Variants in MAGI2 observed in about 807,000 individuals in gnomAD.
The protein encoded by MAGI2 is membrane-associated guanylate kinase, WW and PDZ domain-containing protein 2.
MAGI2 carries 35 observed loss-of-function variants against 133.3 expected under a neutral mutation model. The observed-to-expected ratio is 0.26, with a 90% CI of 0.20 to 0.35. The LOEUF (loss-of-function observed/expected upper bound fraction) is 0.35. MAGI2 is among the 10% of genes least tolerant of loss of function. The pLI is 1.00. For synonymous variants in MAGI2, 729 were observed against 710.6 expected (o/e 1.03, Z -0.41); for missense variants, 1,636 against 1,863.4 (o/e 0.88, Z 2.25).
At chr7:79,192,653 G>C (rs537560767) in intron 1 of MAGI2, among the ~76,000 whole-genome samples, 60 of 151,878 alleles carry the variant, frequency 4.0e-4, no homozygotes, top group Middle Eastern at 6.8e-3. Context: ...CAAGAAGGGT[G>C]GTGTGGCTGA....
In MAGI2 at chr7:78,913,920, C is replaced by T. The variant is rs111455577; in HGVS notation, c.418+93170G>A. ...GAACACTGATAAAGATTCCATGCTCCTACCCTCCCAATAAGAATCTCTGAG... is the reference window on the plus strand; with the variant it reads ...GAACACTGATAAAGATTCCATGCTCTTACCCTCCCAATAAGAATCTCTGAG... On this transcript the variant is annotated intron_variant, in intron 2 of 21. Transcript: ENST00000354212. 1.4e-3 allele frequency among the ~76,000 whole-genome samples: 206 copies of T among 152,268 alleles called. 2 individuals carry two copies. Among genetic ancestry groups the T allele is most frequent in the Non-Finnish European group, 2.4e-3 (162 of 68,010 alleles).
At chr7:78,570,099 TC>T (rs1801354357) in intron 3 of MAGI2, among the ~76,000 whole-genome samples, 1 of 152,220 alleles carries the variant, frequency 6.6e-6, no homozygotes, top group Non-Finnish European at 1.5e-5. Context: ...CTATACCCAC[TC>T]TTGTACACGT....
intron 21 of MAGI2, among the ~76,000 whole-genome samples, chr7:78,025,430 A>T (rs1253130717): frequency 6.6e-6 from 1 of 152,202 alleles, no homozygotes; most frequent in Non-Finnish European, 1.5e-5. Context: ...TGTAAGCTTC[A>T]TAAGGGCAAT....
Position 78,560,525 on chromosome 7 carries a change from G to A in MAGI2, c.539-38880C>T, listed in dbSNP as rs1169822531. On this transcript the variant is annotated intron_variant, in intron 3 of 21. Transcript: ENST00000354212. ...TTCTAAGATAATTTATGATGTAAAC[G>A]TTAATCTAAATACTTTAAAATTTTT... is the stretch of plus-strand genomic sequence containing the variant. 7.2e-5 allele frequency among the ~76,000 whole-genome samples: 11 copies of A among 152,190 alleles called. No individual in the cohort carries two copies. In the East Asian group the frequency reaches 7.7e-4, roughly 11 times the overall value.
At chr7:78,722,266 C>G (rs1320620940) in intron 2 of MAGI2, among the ~76,000 whole-genome samples, 1 of 151,796 alleles carries the variant, frequency 6.6e-6, no homozygotes, top group Non-Finnish European at 1.5e-5. Context: ...CTAATATCCA[C>G]CAGTAAAACT....
At chr7:78,116,374 G>C (rs1263675885) in intron 20 of MAGI2, among the ~76,000 whole-genome samples, 1 of 143,300 alleles carries the variant, frequency 7.0e-6, no homozygotes, top group South Asian at 2.2e-4. Flanking sequence ...AAAAAAAGAA[G>C]AACAACAGAG....
intron 2 of MAGI2, among the ~76,000 whole-genome samples, chr7:78,849,976 T>A (rs903741992): frequency 1.1e-4 from 16 of 152,100 alleles, no homozygotes; most frequent in Admixed American, 9.8e-4. Context: ...ACCAAATTAA[T>A]ATTTATGTTT....
intron 10 of MAGI2, among the ~76,000 whole-genome samples, chr7:78,211,735 A>G (rs1244743589): frequency 3.9e-5 from 6 of 152,252 alleles, no homozygotes; most frequent in Non-Finnish European, 7.3e-5. Context: ...TCTGCTTTTC[A>G]GCAAGGTGTT....
chr7:78,291,438 T>TAATA (rs1291747127), intron 9 of MAGI2, among the ~76,000 whole-genome samples: 1 of 152,062 alleles, frequency 6.6e-6, no homozygotes, highest in African/African-American at 2.4e-5. Flanking sequence ...AGGCAATAAT[T>TAATA]AATAGCTTAC....
chr7:78,572,898 G>A (rs1801658772), intron 3 of MAGI2, among the ~76,000 whole-genome samples: 1 of 150,272 alleles, frequency 6.7e-6, no homozygotes. Context: ...TCGACCTCAG[G>A]TGATCCGCCT....
At chr7:78,484,633 A>C (rs2160185) in intron 6 of MAGI2, 80,744 of 151,800 alleles carry the variant, frequency 0.53, 23,228 homozygotes, top group East Asian at 0.82. Flanking sequence ...TCCATTTTGC[A>C]AGGACATTCT....
chr7:78,794,066 A>G (rs1454380879), intron 2 of MAGI2, among the ~76,000 whole-genome samples: 1 of 152,264 alleles, frequency 6.6e-6, no homozygotes, highest in Non-Finnish European at 1.5e-5. Flanking sequence ...GTACTGGATA[A>G]TAAAGTAGTC....
chr7:78,769,419 G>C (rs937266745), intron 2 of MAGI2, among the ~76,000 whole-genome samples: 2 of 152,076 alleles, frequency 1.3e-5, no homozygotes, highest in African/African-American at 2.4e-5. Context: ...TTTAAAAATG[G>C]AAACCTATGA....
intron 9 of MAGI2, among the ~76,000 whole-genome samples, chr7:78,278,425 G>A (rs1167695322): frequency 6.6e-6 from 1 of 152,124 alleles, no homozygotes; most frequent in Non-Finnish European, 1.5e-5. Flanking sequence ...GATCTGGATT[G>A]ATATGGTTTT....
At chr7:78,197,545 A>G (rs923978001) in intron 11 of MAGI2, among the ~76,000 whole-genome samples, 1 of 152,182 alleles carries the variant, frequency 6.6e-6, no homozygotes, top group African/African-American at 2.4e-5. Flanking sequence ...CAATCTTAAA[A>G]CTACAGAACA....
intron 3 of MAGI2, among the ~76,000 whole-genome samples, chr7:78,599,299 C>T (rs1039918796): frequency 1.3e-5 from 2 of 152,042 alleles, no homozygotes; most frequent in South Asian, 2.1e-4. Context: ...TTCTGTGCCT[C>T]GTATTAAAAA....
intron 1 of MAGI2, among the ~76,000 whole-genome samples, chr7:79,346,176 A>G (rs1841298359): frequency 2.0e-5 from 3 of 152,008 alleles, no homozygotes; most frequent in Non-Finnish European, 2.9e-5. Flanking sequence ...AAAAGAAGCC[A>G]TCATTATTGT....
chr7:79,436,377 G>A (rs969595473), intron 1 of MAGI2, among the ~76,000 whole-genome samples: 3 of 152,050 alleles, frequency 2.0e-5, no homozygotes, highest in African/African-American at 7.2e-5. Context: ...TAAAGAGCTT[G>A]TGCATAGCAA....
chr7:79,118,064 G>T (rs1235609676), intron 1 of MAGI2, among the ~76,000 whole-genome samples: 1 of 152,148 alleles, frequency 6.6e-6, no homozygotes, highest in Non-Finnish European at 1.5e-5. Flanking sequence ...TAAATGCGAT[G>T]CAAGTCCATA....
Sources: gnomAD v4.1 joint callset for allele counts (sites outside exome capture counted in the v4.1 genomes callset) on GRCh38, gnomAD v4.1.1 for gene constraint, MANE v1.5 for transcripts, NCBI Gene and HGNC (gene_info 2026-07-23, HGNC 2026-07-21) for gene names.